AP1G1: variants seen among roughly 807,000 people sequenced by gnomAD.
AP1G1 encodes the protein AP-1 complex subunit gamma-1.
A neutral mutation model predicts 108.3 loss-of-function variants in AP1G1; 7 were observed. The ratio of observed to expected loss-of-function variants is 0.06; its 90% CI spans 0.04 to 0.12. AP1G1 has a LOEUF of 0.12. Ranked by LOEUF, AP1G1 falls within the 10% of genes least tolerant of loss-of-function variation. AP1G1 has a pLI of 1.00. For missense variants in AP1G1, 756 were observed against 1,010.7 expected, an observed-to-expected ratio of 0.75 and a Z score of 3.42; for synonymous variants, 379 against 353.5, an observed-to-expected ratio of 1.07 and a Z score of -0.81.
intron 4 of AP1G1, 44 bp from the exon 5 acceptor site, chr16:71,771,296 T>C (rs1210780248): frequency 1.7e-6 from 2 of 1,181,862 alleles, no homozygotes; most frequent in Non-Finnish European, 2.3e-6. Context: ...ATTTCAATTA[T>C]GCCAGGGCAA....
At chr16:71,765,422 AG>A in intron 7 of AP1G1, 66 bp downstream of exon 7, 1 of 1,146,602 alleles carries the variant, frequency 8.7e-7, no homozygotes. Flanking sequence ...CTTAAGAGGA[AG>A]GAAATTGTCT....
chr16:71,760,161 C>T (rs928787998), intron 10 of AP1G1, among the ~76,000 whole-genome samples: 4 of 151,942 alleles, frequency 2.6e-5, no homozygotes, highest in Non-Finnish European at 5.9e-5. Flanking sequence ...TGAGCCACCA[C>T]GCCCGGCAAT....
chr16:71,787,009 A>C (rs72801746), intron 2 of AP1G1, among the ~76,000 whole-genome samples: 1 of 152,096 alleles, frequency 6.6e-6, no homozygotes, highest in Non-Finnish European at 1.5e-5. Flanking sequence ...TGGGCAACAG[A>C]GTGAGATCCC....
At chr16:71,750,134 G>C (rs887084780) in intron 14 of AP1G1, 76 bp downstream of exon 14, 94 of 1,536,944 alleles carry the variant, frequency 6.1e-5, no homozygotes, top group Middle Eastern at 1.9e-4. Context: ...GAGGAGGGGG[G>C]AAAAAAAAGA....
rs2030289854 is a variant in AP1G1, at chr16:71,748,274, G to A, written c.1602C>T (p.Ser534=). 1.2e-6 allele frequency: 2 copies of A among 1,613,952 alleles called. No individual in the cohort carries two copies. The highest frequency in any genetic ancestry group is 2.2e-5 in the South Asian group (2 of 91,062). ...ACTTTACAGTACAAGTGAATCGAGT[G>A]GAAAGCTTCATAATGGCAGTGAGGG... ...GYALTAIMKL[S]TRFTCTVNRI... The change falls in exon 16 of 23, where the codon TCC becomes TCT. Residue 534 remains serine (S), a synonymous_variant. Coordinates refer to ENST00000299980, the MANE Select transcript of AP1G1 (RefSeq NM_001128.6).
intron 15 of AP1G1, among the ~76,000 whole-genome samples, chr16:71,749,591 TTAAA>T (rs1426935734): frequency 1.3e-4 from 20 of 152,172 alleles, no homozygotes; most frequent in Admixed American, 3.3e-4. Context: ...TGGGTATTTT[TTAAA>T]TTTTTTTGAG....
chr16:71,758,493 C>CA lies in AP1G1; in HGVS notation c.1088+314dup, dbSNP rs2030919868. 9.2e-6 allele frequency: 5 copies of CA among 545,370 alleles called. 1 individual carries two copies. The highest frequency in any genetic ancestry group is 7.0e-5 in the South Asian group (5 of 71,528). The allele number at this position is 545,370 out of a possible 1,614,324, so 33.8% of individuals were successfully genotyped here. ...CTTTCATCCTCCAACACACAAAGCA[C>CA]AGTACCTCCACTAGGTAAACTTTTG... On this transcript the variant is annotated intron_variant, in intron 11 of 22. Coordinates refer to ENST00000299980, the MANE Select transcript of AP1G1 (RefSeq NM_001128.6).
At chr16:71,773,120 G>A (rs2031640705) in intron 4 of AP1G1, 101 bp downstream of exon 4, 6 of 1,285,118 alleles carry the variant, frequency 4.7e-6, no homozygotes, top group Non-Finnish European at 6.7e-6. Flanking sequence ...CAGAAAAAAT[G>A]ACTTTACATT....
At chr16:71,790,839 C>T (rs1326417003) in intron 1 of AP1G1, among the ~76,000 whole-genome samples, 1 of 152,178 alleles carries the variant, frequency 6.6e-6, no homozygotes, top group East Asian at 1.9e-4. Flanking sequence ...AGACTTCACA[C>T]ACAACCACAA....
intron 1 of AP1G1, chr16:71,806,599 T>C (rs923667381): frequency 7.4e-6 from 6 of 815,250 alleles, no homozygotes; most frequent in African/African-American, 5.5e-5. Context: ...TTAACTAACA[T>C]CTATGTGATA....
chr16:71,807,734 A>C, intron 1 of AP1G1: 1 of 1,078,492 alleles, frequency 9.3e-7, no homozygotes, highest in South Asian at 1.3e-5. Context: ...GGTCACTAAG[A>C]AAGCACTAAC....
At chr16:71,770,211 AC>A (rs2031517349) in intron 5 of AP1G1, among the ~76,000 whole-genome samples, 1 of 152,236 alleles carries the variant, frequency 6.6e-6, no homozygotes, top group Non-Finnish European at 1.5e-5. Context: ...AATAATAAAT[AC>A]GTGCTCCAAA....
intron 1 of AP1G1, among the ~76,000 whole-genome samples, chr16:71,801,377 A>T (rs1326659983): frequency 6.7e-6 from 1 of 149,694 alleles, no homozygotes; most frequent in Non-Finnish European, 1.5e-5. Flanking sequence ...AAATAATATG[A>T]TCTCTCTTTA....
chr16:71,780,688 T>C (rs902619058), intron 2 of AP1G1, among the ~76,000 whole-genome samples: 17 of 152,232 alleles, frequency 1.1e-4, no homozygotes, highest in Middle Eastern at 3.4e-3. Flanking sequence ...TGAAGTACAA[T>C]GGCATGATCA....
intron 1 of AP1G1, among the ~76,000 whole-genome samples, chr16:71,799,884 G>A (rs1203595280): frequency 1.3e-5 from 2 of 148,248 alleles, no homozygotes; most frequent in African/African-American, 5.0e-5. Flanking sequence ...TCGTGACAGA[G>A]CGAGGTTCCA....
intron 1 of AP1G1, chr16:71,808,420 GC>G (rs2033075793): frequency 8.8e-7 from 1 of 1,135,004 alleles, no homozygotes; most frequent in East Asian, 6.1e-5. Flanking sequence ...CGGGGGTGGG[GC>G]CCGCCCCGCT....
At position 71,753,855 on chromosome 16, in the gene AP1G1, G is replaced by C; in HGVS notation, c.1262C>G (p.Thr421Arg). 6.2e-7 allele frequency: 1 copy of C among 1,614,034 alleles called. No individual in the cohort carries two copies. Among genetic ancestry groups the C allele is most frequent in the Non-Finnish European group, 8.5e-7 (1 of 1,179,948 alleles). ...TACCGTTGTCAAAACACGCATAATT[G>C]TGTCTATATGCCATCGTTTGGAAGG... ...YAPSKRWHID[T>R]IMRVLTTAGS... is the part of the protein sequence containing the mutation. Residue 421 changes from threonine to arginine, a missense_variant, in exon 13 of 23, where the codon ACA (threonine) becomes AGA (arginine). Thr to Arg is a moderately conservative substitution (Grantham distance 71). This residue lies in a region of AP1G1 where 357 missense variants were observed against 366.5 expected (regional missense o/e 0.97). Coordinates refer to ENST00000299980, the MANE Select transcript of AP1G1 (RefSeq NM_001128.6).
chr16:71,735,020 A>G (rs2045516041), intron 21 of AP1G1, among the ~76,000 whole-genome samples: 1 of 152,198 alleles, frequency 6.6e-6, no homozygotes, highest in Non-Finnish European at 1.5e-5. Context: ...TGGCAACTTC[A>G]CTTAATGGTA....
chr16:71,729,269 C>T lies in AP1G1; in HGVS notation c.*3789G>A, dbSNP rs1237930766. 5 of 152,032 alleles carry T rather than the reference C, an allele frequency of 3.3e-5. No individual in the cohort carries two copies. The highest frequency in any genetic ancestry group is 5.9e-5 in the Non-Finnish European group (4 of 67,932). The allele number at this position is 152,032 out of a possible 1,614,324, so 9.4% of individuals were successfully genotyped here. A position where few individuals can be genotyped will look rare whatever the true frequency, so the allele number is the denominator to read the frequency against. On this transcript the variant is annotated 3_prime_UTR_variant, in exon 23 of 23. Transcript: ENST00000299980. Reference sequence around the variant, plus strand: ...TTACAGTAAAGAAGATGTGATGGGGCATAATGAAAATGTAACTTACAACAC... The same window carrying T: ...TTACAGTAAAGAAGATGTGATGGGGTATAATGAAAATGTAACTTACAACAC...
Sources: gnomAD v4.1 joint callset for allele counts (sites outside exome capture counted in the v4.1 genomes callset) on GRCh38, gnomAD v4.1.1 for gene constraint, gnomAD v4.1.1 regional missense constraint, MANE v1.5 for transcripts, NCBI Gene and HGNC (gene_info 2026-07-23, HGNC 2026-07-21) for gene names.